HACD2: variants seen among roughly 807,000 people sequenced by gnomAD.
HACD2 encodes 3-hydroxyacyl-CoA dehydratase 2, also known as very-long-chain (3R)-3-hydroxyacyl-CoA dehydratase 2.
A neutral mutation model predicts 31.0 loss-of-function variants in HACD2; 15 were observed. That is an observed-to-expected ratio of 0.48 (90% CI 0.32 to 0.75). The LOEUF is 0.75. HACD2 is among the 30% of genes least tolerant of loss of function. The pLI is 0.03. For missense variants in HACD2, 283 were observed against 313.0 expected (o/e 0.90, Z 0.72); for synonymous variants, 115 against 122.2 (o/e 0.94, Z 0.39).
intron 1 of HACD2, among the ~76,000 whole-genome samples, chr3:123,584,059 A>G (rs1359764653): frequency 6.6e-6 from 1 of 152,254 alleles, no homozygotes; most frequent in Non-Finnish European, 1.5e-5. Context: ...ATGACAAGAT[A>G]AAGAATTGCA....
At chr3:123,541,951 T>A (rs2056495595) in intron 3 of HACD2, among the ~76,000 whole-genome samples, 1 of 151,492 alleles carries the variant, frequency 6.6e-6, no homozygotes, top group Non-Finnish European at 1.5e-5. Flanking sequence ...ATCGAGACCA[T>A]CCCGGCTAAA....
At chr3:123,510,262 T>G (rs560891057) in intron 4 of HACD2, among the ~76,000 whole-genome samples, 14 of 152,334 alleles carry the variant, frequency 9.2e-5, no homozygotes, top group Admixed American at 3.3e-4. Context: ...GTCTTTATTT[T>G]TTTGAGGTGG....
At chr3:123,552,949 G>A (rs1359684756) in intron 3 of HACD2, among the ~76,000 whole-genome samples, 2 of 152,160 alleles carry the variant, frequency 1.3e-5, no homozygotes, top group Non-Finnish European at 2.9e-5. Context: ...TCAGAGTAAA[G>A]CAGTTGAAAG....
chr3:123,506,361 T>C (rs977152434), intron 4 of HACD2, among the ~76,000 whole-genome samples: 1 of 152,220 alleles, frequency 6.6e-6, no homozygotes, highest in African/African-American at 2.4e-5. Flanking sequence ...CACAGGGATG[T>C]GTGGAATCAA....
intron 3 of HACD2, among the ~76,000 whole-genome samples, chr3:123,564,165 T>A (rs2056767393): frequency 6.6e-6 from 1 of 151,884 alleles, no homozygotes; most frequent in African/African-American, 2.4e-5. Flanking sequence ...GTAGAACGAG[T>A]CTGGGAGTGT....
At chr3:123,531,492 G>A (rs1349664768) in intron 3 of HACD2, among the ~76,000 whole-genome samples, 2 of 152,028 alleles carry the variant, frequency 1.3e-5, no homozygotes, top group African/African-American at 4.8e-5. Flanking sequence ...GCTAATTTTT[G>A]TATTTTTGTT....
In HACD2 at chr3:123,584,899, G is replaced by T; in HGVS notation, c.129C>A (p.Val43=). 6.6e-7 allele frequency: 1 copy of T among 1,525,926 alleles called. No individual in the cohort carries two copies. The highest frequency in any genetic ancestry group is 1.8e-4 in the Middle Eastern group (1 of 5,528). 94.5% of individuals were successfully genotyped at this position (1,525,926 alleles called of 1,614,324 possible). A position where few individuals can be genotyped will look rare whatever the true frequency, so the allele number is the denominator to read the frequency against. ...GPGPLATAYL[V]IYNVVMTAGW... ...CGGCTGTCATCACCACATTGTAGAT[G>T]ACCAGGTACGCCGTGGCCAGGGGCC... The change falls in exon 1 of 7, where the codon GTC becomes GTA. Residue 43 remains valine, a synonymous_variant. Transcript: ENST00000383657.
At chr3:123,495,434 G>A (rs566982558) in intron 6 of HACD2, among the ~76,000 whole-genome samples, 1 of 152,130 alleles carries the variant, frequency 6.6e-6, no homozygotes, top group Non-Finnish European at 1.5e-5. Context: ...TTGGGACCAG[G>A]CTCTTGGCTC....
intron 4 of HACD2, 185 bp from the exon 5 acceptor site, chr3:123,502,866 A>T: frequency 1.8e-6 from 1 of 569,318 alleles, no homozygotes; most frequent in Non-Finnish European, 3.1e-6. Flanking sequence ...TGTACATCCC[A>T]GAGATGAGGG....
intron 2 of HACD2, among the ~76,000 whole-genome samples, chr3:123,575,515 T>C (rs2056899060): frequency 6.6e-6 from 1 of 152,236 alleles, no homozygotes; most frequent in Non-Finnish European, 1.5e-5. Flanking sequence ...ACGTTATCAC[T>C]GCAGAAAGTC....
intron 6 of HACD2, among the ~76,000 whole-genome samples, chr3:123,497,174 T>C (rs1347951399): frequency 6.6e-6 from 1 of 152,204 alleles, no homozygotes; most frequent in Non-Finnish European, 1.5e-5. Flanking sequence ...AACCCGACCA[T>C]GAGACTGAAA....
chr3:123,554,790 A>G (rs1208881739), intron 3 of HACD2, among the ~76,000 whole-genome samples: 1 of 152,190 alleles, frequency 6.6e-6, no homozygotes. Flanking sequence ...GAAACAAAAG[A>G]AAGTAGAGGG....
chr3:123,550,269 G>A (rs868733448), intron 3 of HACD2, among the ~76,000 whole-genome samples: 1 of 152,156 alleles, frequency 6.6e-6, no homozygotes, highest in Admixed American at 6.6e-5. Flanking sequence ...AAAAGAACAG[G>A]CGCAGGATCA....
At chr3:123,554,325 C>G (rs896486684) in intron 3 of HACD2, among the ~76,000 whole-genome samples, 2 of 151,772 alleles carry the variant, frequency 1.3e-5, no homozygotes, top group African/African-American at 4.8e-5. Context: ...GGACTAAGGG[C>G]ATTTAAAAAG....
chr3:123,531,888 T>G (rs897869518), intron 3 of HACD2, among the ~76,000 whole-genome samples: 3 of 152,208 alleles, frequency 2.0e-5, no homozygotes, highest in Non-Finnish European at 4.4e-5. Context: ...ATACTATAAA[T>G]GAAGTAATGA....
At chr3:123,566,315 T>C (rs1449578420) in intron 3 of HACD2, among the ~76,000 whole-genome samples, 2 of 151,888 alleles carry the variant, frequency 1.3e-5, no homozygotes, top group East Asian at 3.9e-4. Context: ...AAACAGAGAC[T>C]CACTCGTTTC....
At chr3:123,511,170 A>C (rs1295142374) in intron 4 of HACD2, among the ~76,000 whole-genome samples, 3 of 152,118 alleles carry the variant, frequency 2.0e-5, no homozygotes, top group Non-Finnish European at 4.4e-5. Context: ...AGTAAAAATA[A>C]TTATACCTAA....
chr3:123,564,971 G>C (rs1258779103), intron 3 of HACD2, among the ~76,000 whole-genome samples: 1 of 152,100 alleles, frequency 6.6e-6, no homozygotes, highest in Non-Finnish European at 1.5e-5. Flanking sequence ...AACCCTCTGA[G>C]CAGCATGTGA....
intron 4 of HACD2, among the ~76,000 whole-genome samples, chr3:123,521,212 T>C (rs941276485): frequency 3.3e-5 from 5 of 152,084 alleles, no homozygotes; most frequent in Non-Finnish European, 4.4e-5. Flanking sequence ...ATCCAGAAGA[T>C]AAATTAAATG....
Sources: allele counts gnomAD v4.1 joint callset (sites outside exome capture counted in the v4.1 genomes callset), GRCh38; gene constraint gnomAD v4.1.1; transcripts MANE v1.5; gene names NCBI Gene and HGNC (gene_info 2026-07-23, HGNC 2026-07-21).